CNTNAP2: variants seen among roughly 807,000 people sequenced by gnomAD.
CNTNAP2 encodes contactin-associated protein-like 2.
CNTNAP2 carries 98 observed loss-of-function variants against 155.2 expected under a neutral mutation model. The observed-to-expected ratio is 0.63, with a 90% CI of 0.54 to 0.75. The LOEUF is 0.75. Ranked by LOEUF, CNTNAP2 falls within the 30% of genes least tolerant of loss-of-function variation. CNTNAP2 has a pLI of 0.00. For synonymous variants in CNTNAP2, 651 were observed against 631.2 expected, an observed-to-expected ratio of 1.03 and a Z score of -0.47; for missense variants, 1,727 against 1,688.1, an observed-to-expected ratio of 1.02 and a Z score of -0.40.
At chr7:148,309,589 G>C (rs149260636) in intron 21 of CNTNAP2, among the ~76,000 whole-genome samples, 1 of 152,024 alleles carries the variant, frequency 6.6e-6, no homozygotes, top group Non-Finnish European at 1.5e-5. Flanking sequence ...TCAAAGGGGG[G>C]TTATTCGCTG....
At chr7:148,042,484 C>T (rs778656009) in intron 15 of CNTNAP2, among the ~76,000 whole-genome samples, 2 of 152,118 alleles carry the variant, frequency 1.3e-5, no homozygotes, top group African/African-American at 4.8e-5. Context: ...AAGGACAGAC[C>T]CAGCCCTGGT....
At chr7:146,518,672 G>A (rs1563116680) in intron 1 of CNTNAP2, among the ~76,000 whole-genome samples, 1 of 151,806 alleles carries the variant, frequency 6.6e-6, no homozygotes, top group Non-Finnish European at 1.5e-5. Flanking sequence ...AGCATAAACA[G>A]AGTGTATCAT....
chr7:147,101,171 C>T (rs185342292), intron 4 of CNTNAP2, among the ~76,000 whole-genome samples: 1 of 152,136 alleles, frequency 6.6e-6, no homozygotes, highest in Non-Finnish European at 1.5e-5. Context: ...TGAGCCTGGA[C>T]GGGAAGGCAG....
intron 2 of CNTNAP2, among the ~76,000 whole-genome samples, chr7:146,798,705 A>G (rs1346018170): frequency 6.6e-6 from 1 of 152,200 alleles, no homozygotes; most frequent in Non-Finnish European, 1.5e-5. Flanking sequence ...TTAACAACTG[A>G]CAATGTAACT....
rs371539149 is a variant in CNTNAP2 at position 146,384,730 on chromosome 7, A to G, written c.97+267757A>G. Among the ~76,000 whole-genome samples the G allele has an allele frequency of 2.6e-5, 4 of 152,180 alleles. No individual in the cohort carries two copies. In the South Asian group the frequency reaches 8.3e-4, roughly 32 times the overall value. On this transcript the variant is annotated intron_variant, in intron 1 of 23. Coordinates refer to ENST00000361727, the MANE Select transcript of CNTNAP2 (RefSeq NM_014141.6). Reference sequence around the variant, plus strand: ...TGGTTAAAAAAAAATGTACATACACACATACTCCTCAGTGAAGAAACAGAA... The same window carrying G: ...TGGTTAAAAAAAAATGTACATACACGCATACTCCTCAGTGAAGAAACAGAA...
intron 1 of CNTNAP2, among the ~76,000 whole-genome samples, chr7:146,169,559 A>T (rs962280902): frequency 1.3e-5 from 2 of 152,298 alleles, no homozygotes; most frequent in South Asian, 4.1e-4. Flanking sequence ...TAGTATAATT[A>T]ACTATAGGCA....
At chr7:146,486,892 A>C (rs761737693) in intron 1 of CNTNAP2, among the ~76,000 whole-genome samples, 1 of 152,158 alleles carries the variant, frequency 6.6e-6, no homozygotes, top group African/African-American at 2.4e-5. Flanking sequence ...CTAGATGCCA[A>C]GTGTTTTCTC....
intron 3 of CNTNAP2, among the ~76,000 whole-genome samples, chr7:146,921,983 A>G (rs1796509437): frequency 6.6e-6 from 1 of 152,178 alleles, no homozygotes; most frequent in Admixed American, 6.6e-5. Context: ...TCCGTTGAAT[A>G]TAAATCCTTC....
chr7:147,221,337 C>A (rs1409026628), intron 8 of CNTNAP2, among the ~76,000 whole-genome samples: 1 of 152,090 alleles, frequency 6.6e-6, no homozygotes, highest in Non-Finnish European at 1.5e-5. Flanking sequence ...TGGGAAAGCT[C>A]AGAAACCAAC....
intron 1 of CNTNAP2, among the ~76,000 whole-genome samples, chr7:146,182,067 C>T (rs1798556884): frequency 6.6e-6 from 1 of 151,810 alleles, no homozygotes; most frequent in Non-Finnish European, 1.5e-5. Context: ...ACAGAGTCTC[C>T]AGTGCTCACA....
intron 1 of CNTNAP2, among the ~76,000 whole-genome samples, chr7:146,527,515 C>T: frequency 6.6e-6 from 1 of 151,518 alleles, no homozygotes; most frequent in East Asian, 1.9e-4. Context: ...TTTATCTTTA[C>T]ACAGATGGTA....
At chr7:147,295,736 G>A (rs1252417157) in intron 8 of CNTNAP2, among the ~76,000 whole-genome samples, 1 of 152,104 alleles carries the variant, frequency 6.6e-6, no homozygotes, top group Non-Finnish European at 1.5e-5. Flanking sequence ...CCACATTTAA[G>A]AATAAACTTC....
At chr7:146,310,747 A>G (rs986359318) in intron 1 of CNTNAP2, among the ~76,000 whole-genome samples, 5 of 152,166 alleles carry the variant, frequency 3.3e-5, no homozygotes, top group Non-Finnish European at 7.4e-5. Flanking sequence ...CGGTCTATCA[A>G]TTTATCCATT....
At chr7:148,148,471 G>A (rs962682958) in intron 17 of CNTNAP2, among the ~76,000 whole-genome samples, 4 of 152,214 alleles carry the variant, frequency 2.6e-5, no homozygotes, top group African/African-American at 9.6e-5. Flanking sequence ...AAATAAAGAA[G>A]TGAGTTTGAA....
intron 1 of CNTNAP2, among the ~76,000 whole-genome samples, chr7:146,326,938 A>G (rs1801107805): frequency 6.6e-6 from 1 of 152,198 alleles, no homozygotes; most frequent in Non-Finnish European, 1.5e-5. Flanking sequence ...TTCTCTTCCT[A>G]TGCAAATAAG....
intron 10 of CNTNAP2, among the ~76,000 whole-genome samples, chr7:147,401,880 A>C (rs826663): frequency 0.13 from 19,393 of 151,706 alleles, 1,501 homozygotes; most frequent in East Asian, 0.32. Flanking sequence ...GTCAATTAAA[A>C]CTCTTTTCTT....
chr7:147,396,492 C>T (rs1796818974), intron 10 of CNTNAP2, among the ~76,000 whole-genome samples: 1 of 151,968 alleles, frequency 6.6e-6, no homozygotes, highest in African/African-American at 2.4e-5. Flanking sequence ...TTACAAAATA[C>T]ACCTATTAAA....
intron 23 of CNTNAP2, among the ~76,000 whole-genome samples, chr7:148,411,518 A>C (rs1054573340): frequency 2.6e-5 from 4 of 152,072 alleles, no homozygotes; most frequent in African/African-American, 9.7e-5. Context: ...CACTCGCCTC[A>C]GCCTCCCAAA....
chr7:147,456,615 A>T (rs1196856841), intron 10 of CNTNAP2, among the ~76,000 whole-genome samples: 2 of 152,168 alleles, frequency 1.3e-5, no homozygotes, highest in Non-Finnish European at 2.9e-5. Flanking sequence ...CTCAGTAGAG[A>T]ACCTTGCATG....
Sources: gnomAD v4.1 joint callset for allele counts (sites outside exome capture counted in the v4.1 genomes callset) on GRCh38, gnomAD v4.1.1 for gene constraint, MANE v1.5 for transcripts, NCBI Gene and HGNC (gene_info 2026-07-23, HGNC 2026-07-21) for gene names.